CUL7: variants seen among roughly 807,000 people sequenced by gnomAD.
The protein encoded by CUL7 is cullin-7.
Under a neutral mutation model 177.7 loss-of-function variants are expected in CUL7, and 96 were observed. The ratio of observed to expected loss-of-function variants is 0.54; its 90% CI spans 0.46 to 0.64. CUL7 has a LOEUF of 0.64. Among genes scored for constraint, CUL7 ranks in the 30% least tolerant of loss-of-function variants. The pLI is 0.00. For missense variants in CUL7, 1,893 were observed against 2,187.9 expected (o/e 0.87, Z 2.69); for synonymous variants, 824 against 890.2 (o/e 0.93, Z 1.32).
At position 43,051,652 on chromosome 6, in the gene CUL7, G is replaced by C. The variant is rs765707144; in HGVS notation, c.692C>G (p.Ser231Cys). 4.3e-6 allele frequency: 7 copies of C among 1,614,076 alleles called. No individual in the cohort carries two copies. Among genetic ancestry groups the C allele is most frequent in the Non-Finnish European group, 5.9e-6 (7 of 1,180,054 alleles). Residue 231 changes from serine (S) to cysteine (C), a missense_variant, in exon 3 of 26, where the codon TCT becomes TGT. Coordinates refer to ENST00000265348, the MANE Select transcript of CUL7 (RefSeq NM_014780.5). This position sits in a 1 kb window ranked among gnomAD's most constrained non-coding sequence, Gnocchi z 5.0. Reference sequence around the variant, plus strand: ...GCCCTCGAAAGACATGGGGTGTTCAGAGAGCGTGGCCTGTGCAAACAGTGC... The same window carrying C: ...GCCCTCGAAAGACATGGGGTGTTCACAGAGCGTGGCCTGTGCAAACAGTGC... ...LLALFAQATL[S>C]EHPMSFEGIQ...
chr6:43,045,782 G>GGAT lies in CUL7; in HGVS notation c.2767-103_2767-101dup. ...TGTTTCCCTCCCTTCCCCAGCCCTG[G>GGAT]GATGTGTAGGGTCCTGACAAAGCTG... On this transcript the variant is annotated intron_variant, in intron 13 of 25. Transcript: ENST00000265348. This position sits in a 1 kb window ranked among gnomAD's most constrained non-coding sequence, Gnocchi z 4.8. The GGAT allele has an allele frequency of 7.4e-7, 1 of 1,358,502 alleles. No homozygotes were observed. The highest frequency in any genetic ancestry group is 1.0e-6 in the Non-Finnish European group (1 of 958,522). 84.2% of individuals were successfully genotyped at this position (1,358,502 alleles called of 1,614,324 possible). A position where few individuals can be genotyped will look rare whatever the true frequency, so the allele number is the denominator to read the frequency against.
At chr6:43,041,173 G>T (rs933938706) in intron 19 of CUL7, 98 bp from the exon 20 acceptor site, 6 of 1,197,206 alleles carry the variant, frequency 5.0e-6, no homozygotes, top group African/African-American at 3.0e-5. Context: ...ATGAATGCTG[G>T]CAGCTTTCTA....
Position 43,046,620 on chromosome 6 carries a change from A to G in CUL7, c.2398-19T>C, listed in dbSNP as rs1331130317. The stretch of plus-strand genomic sequence containing the variant: ...GCACCATCTGCAGCCAGAACATCAG[A>G]GAGAAGGGGCACAGGGGCAGAAGGA... On this transcript the variant is annotated intron_variant, in intron 10 of 25. Transcript: ENST00000265348. 1 of 1,613,962 alleles carries G rather than the reference A, an allele frequency of 6.2e-7. No homozygotes were observed. Among genetic ancestry groups the G allele is most frequent in the Non-Finnish European group, 8.5e-7 (1 of 1,179,986 alleles).
In CUL7 at chr6:43,053,523, G is replaced by A. The variant is rs1484259131; in HGVS notation, c.-9+99C>T. ...TAGGCCCCATAAGCTAGAACCCCGA[G>A]GCACGGTAGGATGGGGACCGAGGTT... On this transcript the variant is annotated intron_variant, in intron 1 of 25. Transcript: ENST00000265348. This position sits in a 1 kb window ranked among gnomAD's most constrained non-coding sequence, Gnocchi z 4.1. 2 of 814,506 alleles carry A rather than the reference G, an allele frequency of 2.5e-6. No homozygotes were observed. Among genetic ancestry groups the A allele is most frequent in the Non-Finnish European group, 3.4e-6 (2 of 588,282 alleles). 50.5% of individuals were successfully genotyped at this position (814,506 alleles called of 1,614,324 possible).
In CUL7 at chr6:43,046,578, G is replaced by A. The variant is rs758623946; in HGVS notation, c.2421C>T (p.Asp807=). ...TGATGGGTTGGTGGGTTCGTCTGTG[G>A]TCTTCGATCTGGCCCAGCACCATCT... The part of the protein sequence containing the change: ...CIQMVLGQIE[D]HRRTHQPINI... Residue 807 remains aspartate (D), a synonymous_variant, in exon 11 of 26, where the codon GAC becomes GAT. Coordinates refer to ENST00000265348, the MANE Select transcript of CUL7 (RefSeq NM_014780.5). 1 of 1,614,124 alleles carries A rather than the reference G, an allele frequency of 6.2e-7. No individual in the cohort carries two copies. The highest frequency in any genetic ancestry group is 1.1e-5 in the South Asian group (1 of 91,082).
rs1665965356 is a variant in CUL7 at position 43,043,267 on chromosome 6, T to C, written c.3356-87A>G. 1 of 1,263,722 alleles carries C rather than the reference T, an allele frequency of 7.9e-7. No individual in the cohort carries two copies. The highest frequency in any genetic ancestry group is 1.5e-5 in the African/African-American group (1 of 67,786). 78.3% of individuals were successfully genotyped at this position (1,263,722 alleles called of 1,614,324 possible). A position where few individuals can be genotyped will look rare whatever the true frequency, so the allele number is the denominator to read the frequency against. On this transcript the variant is annotated intron_variant, in intron 17 of 25. Coordinates refer to ENST00000265348, the MANE Select transcript of CUL7 (RefSeq NM_014780.5). The surrounding 1 kb of genome is among the most constrained non-coding windows in gnomAD (Gnocchi z 4.2). ...CATCCAAGGGGGTTCCCTGAGGCCT[T>C]TCCTGACATGCTGCCACCCAAAATG...
intron 7 of CUL7, 24 bp from the exon 8 acceptor site, chr6:43,048,593 G>C: frequency 6.5e-7 from 1 of 1,547,200 alleles, no homozygotes; most frequent in Non-Finnish European, 8.9e-7. Flanking sequence ...ACAGTCACAG[G>C]AGTTGGCCAT....
In CUL7 at chr6:43,051,795, C is replaced by G. The variant is rs760139604; in HGVS notation, c.581-32G>C. On this transcript the variant is annotated intron_variant, in intron 2 of 25. Coordinates refer to ENST00000265348, the MANE Select transcript of CUL7 (RefSeq NM_014780.5). This position sits in a 1 kb window ranked among gnomAD's most constrained non-coding sequence, Gnocchi z 5.0. The stretch of plus-strand genomic sequence containing the variant: ...CCCACACCCCAGTTGGTAACTTCTC[C>G]CTAATCTCACCCTTCCTAGAAATCT... 2.5e-6 allele frequency: 4 copies of G among 1,612,326 alleles called. No individual in the cohort carries two copies. In the Admixed American group the frequency reaches 6.7e-5, roughly 27 times the overall value.
In CUL7 at chr6:43,053,521, G is replaced by T; in HGVS notation, c.-9+101C>A. The T allele has an allele frequency of 1.2e-6, 1 of 807,312 alleles. No individual in the cohort carries two copies. The highest frequency in any genetic ancestry group is 1.7e-6 in the Non-Finnish European group (1 of 580,842). 50.0% of individuals were successfully genotyped at this position (807,312 alleles called of 1,614,324 possible). On this transcript the variant is annotated intron_variant, in intron 1 of 25. Transcript: ENST00000265348. This position sits in a 1 kb window ranked among gnomAD's most constrained non-coding sequence, Gnocchi z 4.1. ...ATTAGGCCCCATAAGCTAGAACCCC[G>T]AGGCACGGTAGGATGGGGACCGAGG...
rs1561874040 is a variant in CUL7, at chr6:43,040,365, G to T, written c.4085C>A (p.Ala1362Glu). The change falls in exon 22 of 26, where the codon GCA becomes GAA. Residue 1362 changes from alanine (A) to glutamate (E), a missense_variant. Transcript: ENST00000265348. This position sits in a 1 kb window ranked among gnomAD's most constrained non-coding sequence, Gnocchi z 4.2. ...TCCCTCCGCCACATCCACCACTGCT[G>T]CTGCCCCAGCTTCCTCTTCCTTCTC... ...KSEKEEEAGA[A>E]AVVDVAEGEE... is the part of the protein sequence containing the mutation. 6.2e-7 allele frequency: 1 copy of T among 1,613,498 alleles called. No individual in the cohort carries two copies. The highest frequency in any genetic ancestry group is 1.6e-4 in the Middle Eastern group (1 of 6,062).
At chr6:43,042,433 T>A (rs544991732) in intron 19 of CUL7, among the ~76,000 whole-genome samples, 7 of 152,058 alleles carry the variant, frequency 4.6e-5, no homozygotes, top group Non-Finnish European at 1.0e-4. Flanking sequence ...CTCCACTTCC[T>A]GGGTTCAAAC....
At position 43,046,969 on chromosome 6, in the gene CUL7, G is replaced by C. The variant is rs1359284418; in HGVS notation, c.2308C>G (p.Gln770Glu). 6.2e-7 allele frequency: 1 copy of C among 1,613,598 alleles called. No homozygotes were observed. Among genetic ancestry groups the C allele is most frequent in the South Asian group, 1.1e-5 (1 of 91,068 alleles). ...TTGAACACCATGTCCCGCAGCTCCT[G>C]AGCCAGCTCCAGCTTTCCCAGGTGC... is the stretch of plus-strand genomic sequence containing the variant. Reference protein sequence around the residue: ...EKHLGKLELAQELRDMVFKCE... With the variant: ...EKHLGKLELAEELRDMVFKCE... Residue 770 changes from glutamine (Q) to glutamate (E), a missense_variant, in exon 10 of 26, where the codon CAG becomes GAG. By Grantham distance (29) the Gln-to-Glu change is conservative (BLOSUM62 2). This residue lies in a region of CUL7 where 973 missense variants were observed against 1,140.9 expected (regional missense o/e 0.85). Coordinates refer to ENST00000265348, the MANE Select transcript of CUL7 (RefSeq NM_014780.5).
At position 43,038,359 on chromosome 6, in the gene CUL7, C is replaced by G. The variant is rs200397407; in HGVS notation, c.4681G>C (p.Glu1561Gln). ...CAGTTCAGAAGATTCCGTCTCTTCT[C>G]CAAGTTCTGGCCGTCTTCACCCTCA... is the stretch of plus-strand genomic sequence containing the variant. Reference protein sequence around the residue: ...QAEGEDGQNLEKRRNLLNCLI... With the variant: ...QAEGEDGQNLQKRRNLLNCLI... The change falls in exon 25 of 26, where the codon GAG becomes CAG. Residue 1561 changes from glutamate to glutamine, a missense_variant. By Grantham distance (29) the Glu-to-Gln change is conservative (BLOSUM62 2). Coordinates refer to ENST00000265348, the MANE Select transcript of CUL7 (RefSeq NM_014780.5). The G allele has an allele frequency of 1.5e-4, 244 of 1,614,112 alleles. No individual in the cohort carries two copies. The highest frequency in any genetic ancestry group is 2.0e-4 in the Non-Finnish European group (231 of 1,180,052).
Position 43,052,671 on chromosome 6 carries a change from T to C in CUL7, c.118A>G (p.Ile40Val), listed in dbSNP as rs1370562376. 1 of 1,614,048 alleles carries C rather than the reference T, an allele frequency of 6.2e-7. No homozygotes were observed. Among genetic ancestry groups the C allele is most frequent in the East Asian group, 2.2e-5 (1 of 44,894 alleles). The change falls in exon 2 of 26, where the codon ATC (isoleucine) becomes GTC (valine). Residue 40 changes from isoleucine to valine, a missense_variant. Physicochemically the swap from Ile to Val is conservative, Grantham distance 29. Coordinates refer to ENST00000265348, the MANE Select transcript of CUL7 (RefSeq NM_014780.5). The surrounding 1 kb of genome is among the most constrained non-coding windows in gnomAD (Gnocchi z 4.5). ...VGHDGHPEYQIRWLILRRGDE... is the reference protein window; with the variant it reads ...VGHDGHPEYQVRWLILRRGDE... ...CCACGCCGCAGGATGAGCCAACGGA[T>C]CTGGTACTCAGGATGCCCATCATGG...
At position 43,050,956 on chromosome 6, in the gene CUL7, T is replaced by C. The variant is rs1285308964; in HGVS notation, c.1233+12A>G. On this transcript the variant is annotated intron_variant, in intron 4 of 25. Transcript: ENST00000265348. The surrounding 1 kb of genome is among the most constrained non-coding windows in gnomAD (Gnocchi z 4.1). ...GACCCCCAACAGTATCCCACCACCA[T>C]GTGCCACTCACCTGCACAGGAGGCA... The C allele has an allele frequency of 1.3e-5, 21 of 1,613,546 alleles. No individual in the cohort carries two copies. The highest frequency in any genetic ancestry group is 3.3e-5 in the South Asian group (3 of 91,084).
rs748213668 is a variant in CUL7 at position 43,053,704 on chromosome 6, G to A, written c.-91C>T. The A allele has an allele frequency of 7.0e-7, 1 of 1,422,482 alleles. No individual in the cohort carries two copies. Among genetic ancestry groups the A allele is most frequent in the South Asian group, 1.5e-5 (1 of 68,142 alleles). 88.1% of individuals were successfully genotyped at this position (1,422,482 alleles called of 1,614,324 possible). ...GGCACAGACGCTGGCGGCGACTTGG[G>A]CCCCACCTGGGCCCCGCGAGGGGGT... is the stretch of plus-strand genomic sequence containing the variant. On this transcript the variant is annotated 5_prime_UTR_variant, in exon 1 of 26. Transcript: ENST00000265348. The surrounding 1 kb of genome is among the most constrained non-coding windows in gnomAD (Gnocchi z 4.1).
Position 43,050,543 on chromosome 6 carries a change from G to T in CUL7, c.1234-145C>A, listed in dbSNP as rs899581287. The T allele has an allele frequency of 4.9e-4, 200 of 408,210 alleles. No individual in the cohort carries two copies. The highest frequency in any genetic ancestry group is 1.1e-3 in the East Asian group (19 of 17,412). The allele number at this position is 408,210 out of a possible 1,614,324, so 25.3% of individuals were successfully genotyped here. ...TCCACATAACAAAACAGCAGCATAT[G>T]GAGAATACACACACACACACACACA... On this transcript the variant is annotated intron_variant, in intron 4 of 25. Transcript: ENST00000265348. The surrounding 1 kb of genome is among the most constrained non-coding windows in gnomAD (Gnocchi z 4.1).
At position 43,049,641 on chromosome 6, in the gene CUL7, C is replaced by T. The variant is rs1248371817; in HGVS notation, c.1591G>A (p.Ala531Thr). The change falls in exon 7 of 26, where the codon GCT (alanine) becomes ACT (threonine). Residue 531 changes from alanine to threonine, a missense_variant. Around this residue, in one of 5 missense-constraint regions of CUL7, gnomAD observed 653 missense variants for 725.2 expected, o/e 0.90. Transcript: ENST00000265348. ...AATTCTATGGGCACGGCCAGTTCAG[C>T]TAGGATCTCATCATCCAGAATCTGC... is the stretch of plus-strand genomic sequence containing the variant. ...DGEILDDEILAELAVPIELAQ... is the reference protein window; with the variant it reads ...DGEILDDEILTELAVPIELAQ... 3 of 1,614,176 alleles carry T rather than the reference C, an allele frequency of 1.9e-6. No homozygotes were observed. Among genetic ancestry groups the T allele is most frequent in the Non-Finnish European group, 2.5e-6 (3 of 1,180,002 alleles).
intron 7 of CUL7, among the ~76,000 whole-genome samples, chr6:43,049,032 A>G (rs1764180671): frequency 6.6e-6 from 1 of 152,004 alleles, no homozygotes; most frequent in African/African-American, 2.4e-5. Context: ...TTGGCCTTCC[A>G]AAGTGCTGGG....
Sources: allele counts gnomAD v4.1 joint callset (sites outside exome capture counted in the v4.1 genomes callset), GRCh38; gene constraint gnomAD v4.1.1; regional missense constraint gnomAD v4.1.1; non-coding constraint Gnocchi (gnomAD v3.1); transcripts MANE v1.5; gene names NCBI Gene and HGNC (gene_info 2026-07-23, HGNC 2026-07-21).